RPAP2: variants seen among roughly 807,000 people sequenced by gnomAD.
RPAP2 encodes the protein putative RNA polymerase II subunit B1 CTD phosphatase RPAP2.
Under a neutral mutation model 73.1 loss-of-function variants are expected in RPAP2, and 52 were observed. That is an observed-to-expected ratio of 0.71 (90% CI 0.57 to 0.90). The LOEUF is 0.90. Ranked by LOEUF, RPAP2 falls within the 40% of genes least tolerant of loss-of-function variation. RPAP2 has a pLI of 0.00. For synonymous variants in RPAP2, 225 were observed against 242.1 expected (o/e 0.93, Z 0.65); for missense variants, 598 against 701.8 (o/e 0.85, Z 1.67).
At chr1:92,300,323 CT>C (rs565648906) in intron 2 of RPAP2, 84 bp downstream of exon 2, 44,451 of 762,166 alleles carry the variant, frequency 0.058, 10 homozygotes, top group South Asian at 0.091. Flanking sequence ...TAATGGTTAC[CT>C]TTTTTTTTTT....
intron 11 of RPAP2, among the ~76,000 whole-genome samples, chr1:92,359,927 C>T (rs1654651255): frequency 6.6e-6 from 1 of 152,176 alleles, no homozygotes; most frequent in Admixed American, 6.5e-5. Flanking sequence ...GAAACAGACA[C>T]TTTGAGCACC....
In RPAP2 at chr1:92,384,485, G is replaced by A. The variant is rs548918017; in HGVS notation, c.*-2526G>A. On this transcript the variant is annotated intron_variant, in intron 12 of 12. Coordinates refer to ENST00000610020, the MANE Select transcript of RPAP2 (RefSeq NM_024813.3). ...CTAAAAATACAAAAATTAGCTGGGC[G>A]TGGTGGCAAGTGCCTGTAATCCCAG... Among the ~76,000 whole-genome samples, 5 of 151,730 alleles carry A rather than the reference G, an allele frequency of 3.3e-5. No individual in the cohort carries two copies. The East Asian group carries it at 8.0e-4, about 24-fold the overall frequency.
chr1:92,322,221 C>T (rs1281705553), intron 7 of RPAP2, among the ~76,000 whole-genome samples: 1 of 151,176 alleles, frequency 6.6e-6, no homozygotes, highest in East Asian at 2.0e-4. Flanking sequence ...GCTGGGATTA[C>T]AGATGTGAGT....
At chr1:92,355,280 CCTAA>C (rs767237847) in intron 11 of RPAP2, among the ~76,000 whole-genome samples, 11 of 151,960 alleles carry the variant, frequency 7.2e-5, no homozygotes, top group African/African-American at 1.5e-4. Flanking sequence ...TATTTTTGTT[CCTAA>C]CTATCAGTGT....
At chr1:92,335,405 T>A (rs1653224139) in intron 9 of RPAP2, among the ~76,000 whole-genome samples, 1 of 152,128 alleles carries the variant, frequency 6.6e-6, no homozygotes, top group Non-Finnish European at 1.5e-5. Context: ...AAAAATAAAG[T>A]AACACATACT....
At chr1:92,374,738 C>T (rs1056031620) in intron 11 of RPAP2, among the ~76,000 whole-genome samples, 1 of 152,146 alleles carries the variant, frequency 6.6e-6, no homozygotes, top group Non-Finnish European at 1.5e-5. Context: ...ACATGGAATT[C>T]AGAAAATGCC....
intron 11 of RPAP2, among the ~76,000 whole-genome samples, chr1:92,360,112 T>C (rs891551910): frequency 4.6e-5 from 7 of 152,250 alleles, no homozygotes; most frequent in Non-Finnish European, 7.3e-5. Context: ...CTTCAAAATA[T>C]GTACTTTGCA....
Position 92,389,199 on chromosome 1 carries a change from A to T in RPAP2, c.*2188A>T, listed in dbSNP as rs576732586. ...CTGGAACGAAGCTTCCACAGTAAGG[A>T]TCAGGCAGCAATATTTGCTGTTCTG... On this transcript the variant is annotated 3_prime_UTR_variant, in exon 13 of 13. Coordinates refer to ENST00000610020, the MANE Select transcript of RPAP2 (RefSeq NM_024813.3). 2.2e-3 allele frequency: 344 copies of T among 153,224 alleles called. 2 individuals carry two copies. The highest frequency in any genetic ancestry group is 0.02 in the Middle Eastern group (6 of 302). 9.5% of individuals were successfully genotyped at this position (153,224 alleles called of 1,614,324 possible).
At chr1:92,324,409 G>A (rs1020481460) in intron 8 of RPAP2, 34 bp downstream of exon 8, 13 of 1,493,962 alleles carry the variant, frequency 8.7e-6, no homozygotes, top group African/African-American at 5.6e-5. Context: ...TTTCCAGATC[G>A]TTAACATTTG....
chr1:92,377,857 C>T (rs1050607243), intron 11 of RPAP2, among the ~76,000 whole-genome samples: 1 of 152,150 alleles, frequency 6.6e-6, no homozygotes, highest in African/African-American at 2.4e-5. Context: ...TTTATAGAAT[C>T]ATTTTAGCCT....
rs1655913957 is a variant in RPAP2, at chr1:92,387,688, T to C, written c.*677T>C. The C allele has an allele frequency of 6.6e-6, 1 of 152,154 alleles. No homozygotes were observed. The highest frequency in any genetic ancestry group is 2.4e-5 in the African/African-American group (1 of 41,426). The allele number at this position is 152,154 out of a possible 1,614,324, so 9.4% of individuals were successfully genotyped here. ...TTACTGGAAGGCCAAGAAAATACTCTTGGACACTGGAGGAAATGACAGCTA... is the reference window on the plus strand; with the variant it reads ...TTACTGGAAGGCCAAGAAAATACTCCTGGACACTGGAGGAAATGACAGCTA... On this transcript the variant is annotated 3_prime_UTR_variant, in exon 13 of 13. Coordinates refer to ENST00000610020, the MANE Select transcript of RPAP2 (RefSeq NM_024813.3).
At chr1:92,318,103 G>A (rs745600722) in intron 6 of RPAP2, among the ~76,000 whole-genome samples, 4 of 152,078 alleles carry the variant, frequency 2.6e-5, no homozygotes, top group Admixed American at 1.3e-4. Context: ...GTTTTCTTGA[G>A]CTCTACAGTC....
intron 11 of RPAP2, among the ~76,000 whole-genome samples, chr1:92,358,717 A>G (rs1654601422): frequency 6.6e-6 from 1 of 151,958 alleles, no homozygotes; most frequent in Non-Finnish European, 1.5e-5. Context: ...CCTCCCGTGC[A>G]GCTGGGACCA....
chr1:92,368,361 A>G (rs1216586960), intron 11 of RPAP2, among the ~76,000 whole-genome samples: 1 of 152,020 alleles, frequency 6.6e-6, no homozygotes, highest in East Asian at 1.9e-4. Flanking sequence ...CCTGGGCGAC[A>G]GAGCAAGACT....
At chr1:92,357,065 CAA>C (rs931196431) in intron 11 of RPAP2, among the ~76,000 whole-genome samples, 4 of 117,030 alleles carry the variant, frequency 3.4e-5, no homozygotes, top group Admixed American at 9.0e-5. Context: ...GACTCTGTCT[CAA>C]AAAAAAAAAA....
intron 6 of RPAP2, among the ~76,000 whole-genome samples, chr1:92,309,132 A>C (rs1651419326): frequency 6.6e-6 from 1 of 151,540 alleles, no homozygotes; most frequent in Admixed American, 6.6e-5. Context: ...TCACTACCTC[A>C]CTAAAAAAGA....
At chr1:92,370,563 T>A (rs983073842) in intron 11 of RPAP2, among the ~76,000 whole-genome samples, 5 of 152,200 alleles carry the variant, frequency 3.3e-5, no homozygotes, top group African/African-American at 1.2e-4. Flanking sequence ...TAAGGTTTAT[T>A]AACTGTTGCA....
chr1:92,355,347 T>C (rs1654410431), intron 11 of RPAP2, among the ~76,000 whole-genome samples: 1 of 152,164 alleles, frequency 6.6e-6, no homozygotes, highest in African/African-American at 2.4e-5. Context: ...GTATGAGGGA[T>C]TGGAGTAAAT....
chr1:92,333,799 G>A (rs917010981), intron 9 of RPAP2, among the ~76,000 whole-genome samples: 4 of 152,124 alleles, frequency 2.6e-5, no homozygotes, highest in Non-Finnish European at 4.4e-5. Flanking sequence ...ACTGATTTGC[G>A]GTAAATGTGT....
Sources: gnomAD v4.1 joint callset for allele counts (sites outside exome capture counted in the v4.1 genomes callset) on GRCh38, gnomAD v4.1.1 for gene constraint, MANE v1.5 for transcripts, NCBI Gene and HGNC (gene_info 2026-07-23, HGNC 2026-07-21) for gene names.